Variants in CDK14 observed in about 807,000 individuals in gnomAD.
The protein encoded by CDK14 is cyclin-dependent kinase 14.
In CDK14, 34 loss-of-function variants were observed where a neutral mutation model predicts 60.7. That is an observed-to-expected ratio of 0.56 (90% CI 0.43 to 0.75). CDK14 has a LOEUF of 0.75. CDK14 is among the 30% of genes least tolerant of loss of function. The pLI is 0.00. For missense variants in CDK14, 482 were observed against 564.1 expected, an observed-to-expected ratio of 0.85 and a Z score of 1.47; for synonymous variants, 197 against 203.7, an observed-to-expected ratio of 0.97 and a Z score of 0.28.
intron 4 of CDK14, among the ~76,000 whole-genome samples, chr7:90,756,512 G>T (rs1287920808): frequency 6.6e-6 from 1 of 152,178 alleles, no homozygotes; most frequent in Non-Finnish European, 1.5e-5. Context: ...GCAGTTTCAA[G>T]CCTCCTGGTC....
intron 5 of CDK14, among the ~76,000 whole-genome samples, chr7:90,858,977 A>C (rs1283540955): frequency 6.6e-6 from 1 of 152,216 alleles, no homozygotes; most frequent in Non-Finnish European, 1.5e-5. Context: ...TGTTATTGTA[A>C]TTACTTTCTC....
chr7:91,199,611 A>G (rs1215708749), intron 14 of CDK14, among the ~76,000 whole-genome samples: 2 of 152,226 alleles, frequency 1.3e-5, no homozygotes, highest in Non-Finnish European at 2.9e-5. Context: ...ATGTTTGTTG[A>G]TAATGGTGAT....
At chr7:91,009,886 T>C (rs1212954387) in intron 10 of CDK14, among the ~76,000 whole-genome samples, 3 of 152,174 alleles carry the variant, frequency 2.0e-5, no homozygotes, top group South Asian at 2.1e-4. Flanking sequence ...TCTTCTGTTT[T>C]CCTCCAGAGG....
At chr7:90,949,579 A>C (rs144357752) in intron 8 of CDK14, among the ~76,000 whole-genome samples, 47 of 152,336 alleles carry the variant, frequency 3.1e-4, no homozygotes, top group African/African-American at 1.1e-3. Context: ...AACTTAAAAA[A>C]TTCAGGGATA....
At chr7:90,876,437 T>G (rs1029007979) in intron 6 of CDK14, among the ~76,000 whole-genome samples, 1 of 152,196 alleles carries the variant, frequency 6.6e-6, no homozygotes, top group Non-Finnish European at 1.5e-5. Context: ...CAAATCTAAG[T>G]TAAATAGCTA....
At chr7:91,089,257 A>C (rs2116262111) in intron 12 of CDK14, among the ~76,000 whole-genome samples, 1 of 152,244 alleles carries the variant, frequency 6.6e-6, no homozygotes, top group South Asian at 2.1e-4. Context: ...CCCTAGTTAA[A>C]ACAAAGAAAA....
chr7:91,056,401 G>T (rs995588128), intron 11 of CDK14, among the ~76,000 whole-genome samples: 1 of 150,552 alleles, frequency 6.6e-6, no homozygotes, highest in Non-Finnish European at 1.5e-5. Flanking sequence ...TTTTCAGCAT[G>T]TGAAAATTCT....
intron 14 of CDK14, among the ~76,000 whole-genome samples, chr7:91,176,547 T>C (rs1801764043): frequency 6.6e-6 from 1 of 151,784 alleles, no homozygotes; most frequent in Non-Finnish European, 1.5e-5. Flanking sequence ...ATCAACAAAA[T>C]TGATAGACTG....
chr7:90,806,901 G>A (rs1788866732), intron 5 of CDK14, among the ~76,000 whole-genome samples: 1 of 152,318 alleles, frequency 6.6e-6, no homozygotes, highest in East Asian at 1.9e-4. Context: ...AAACTGCAAG[G>A]TAGCAGCGAG....
At chr7:90,847,090 A>G (rs1443439327) in intron 5 of CDK14, among the ~76,000 whole-genome samples, 1 of 152,184 alleles carries the variant, frequency 6.6e-6, no homozygotes, top group Non-Finnish European at 1.5e-5. Flanking sequence ...GTAATTGTAT[A>G]TATCAAAACA....
At position 91,102,040 on chromosome 7, in the gene CDK14, T is replaced by C. The variant is rs577526101; in HGVS notation, c.1155-10502T>C. ...TAAGGAAAACAGACAGACTTGTCTT[T>C]ATTGGTGGGTGGACTTCTTCACAAA... On this transcript the variant is annotated intron_variant, in intron 12 of 14. Transcript: ENST00000380050. 2.0e-5 allele frequency among the ~76,000 whole-genome samples: 3 copies of C among 152,324 alleles called. No individual in the cohort carries two copies. In the South Asian group the frequency reaches 6.2e-4, roughly 32 times the overall value.
rs1335593492 is a variant in CDK14, at chr7:90,708,951, G to C, written c.124-17616G>C. Among the ~76,000 whole-genome samples, 8 of 152,122 alleles carry C rather than the reference G, an allele frequency of 5.3e-5. No homozygotes were observed. The East Asian group carries it at 1.2e-3, about 22-fold the overall frequency. On this transcript the variant is annotated intron_variant, in intron 2 of 14. Transcript: ENST00000380050. ...CACTCTCCTGTAGGGGTCGCTATGA[G>C]AGTAGCAGTCTGGCATCCTTCCTTT...
intron 10 of CDK14, among the ~76,000 whole-genome samples, chr7:91,001,369 C>T (rs939271276): frequency 3.9e-5 from 6 of 152,092 alleles, no homozygotes; most frequent in Admixed American, 3.9e-4. Context: ...TCTCAGAATA[C>T]GTATCTTTGA....
intron 3 of CDK14, among the ~76,000 whole-genome samples, chr7:90,741,228 C>T (rs1271045972): frequency 6.6e-6 from 1 of 152,174 alleles, no homozygotes; most frequent in East Asian, 1.9e-4. Flanking sequence ...GAAGGTGCCA[C>T]TGTCTAGAGA....
chr7:90,808,469 C>T (rs113125132), intron 5 of CDK14, among the ~76,000 whole-genome samples: 5 of 152,128 alleles, frequency 3.3e-5, no homozygotes, highest in Non-Finnish European at 7.4e-5. Context: ...GAAGGAAGCA[C>T]TAAACATAGA....
At chr7:90,928,126 T>C (rs1419754922) in intron 8 of CDK14, among the ~76,000 whole-genome samples, 1 of 152,194 alleles carries the variant, frequency 6.6e-6, no homozygotes, top group Admixed American at 6.5e-5. Flanking sequence ...AATCTTTTTT[T>C]CAAGGTTTTT....
intron 10 of CDK14, among the ~76,000 whole-genome samples, chr7:91,005,339 G>A (rs1457665693): frequency 6.6e-6 from 1 of 152,194 alleles, no homozygotes; most frequent in Non-Finnish European, 1.5e-5. Context: ...CCTCGTTCAG[G>A]GTCCCTCCAG....
At chr7:90,774,923 A>G (rs904509230) in intron 4 of CDK14, among the ~76,000 whole-genome samples, 16 of 152,112 alleles carry the variant, frequency 1.1e-4, no homozygotes, top group Non-Finnish European at 2.1e-4. Context: ...GACATGCAAA[A>G]TCTCTAGTTA....
intron 14 of CDK14, among the ~76,000 whole-genome samples, chr7:91,161,675 T>C (rs566056730): frequency 6.6e-6 from 1 of 152,324 alleles, no homozygotes; most frequent in South Asian, 2.1e-4. Flanking sequence ...TTTCAAAACA[T>C]TTGAGGCAGA....
Sources: allele counts gnomAD v4.1 joint callset (sites outside exome capture counted in the v4.1 genomes callset), GRCh38; gene constraint gnomAD v4.1.1; transcripts MANE v1.5; gene names NCBI Gene and HGNC (gene_info 2026-07-23, HGNC 2026-07-21).